DPP10: variants seen among roughly 807,000 people sequenced by gnomAD.
DPP10 encodes dipeptidyl peptidase like 10, also known as inactive dipeptidyl peptidase 10.
In DPP10, 33 loss-of-function variants were observed where a neutral mutation model predicts 120.9. That is an observed-to-expected ratio of 0.27 (90% CI 0.21 to 0.37). The LOEUF (loss-of-function observed/expected upper bound fraction) is 0.37, where lower values mean the gene tolerates loss of function less well. DPP10 is among the 10% of genes least tolerant of loss of function. DPP10 has a pLI of 1.00. For missense variants in DPP10, 816 were observed against 942.8 expected (o/e 0.87, Z 1.76); for synonymous variants, 337 against 326.1 (o/e 1.03, Z -0.36).
intron 3 of DPP10, among the ~76,000 whole-genome samples, chr2:115,433,056 G>A (rs1280340246): frequency 6.6e-6 from 1 of 152,050 alleles, no homozygotes; most frequent in Non-Finnish European, 1.5e-5. Flanking sequence ...CTGTCAGACA[G>A]TAAGGATTGG....
At chr2:114,744,592 A>G (rs1418179448) in intron 1 of DPP10, among the ~76,000 whole-genome samples, 4 of 152,216 alleles carry the variant, frequency 2.6e-5, no homozygotes, top group Non-Finnish European at 4.4e-5. Flanking sequence ...AAATAGAGGC[A>G]GTTATGCGGA....
intron 8 of DPP10, among the ~76,000 whole-genome samples, chr2:115,738,963 C>G (rs77178854): frequency 0.017 from 2,638 of 152,238 alleles, 32 homozygotes; most frequent in Non-Finnish European, 0.026. Context: ...GTAAACTAAG[C>G]TAGTAGCAGC....
intron 7 of DPP10, among the ~76,000 whole-genome samples, chr2:115,695,950 C>G (rs1430959140): frequency 6.6e-6 from 1 of 151,984 alleles, no homozygotes; most frequent in Non-Finnish European, 1.5e-5. Context: ...AGAGCAAAAG[C>G]TTACAGTAAC....
At chr2:114,728,381 C>A (rs1411230461) in intron 1 of DPP10, among the ~76,000 whole-genome samples, 2 of 152,138 alleles carry the variant, frequency 1.3e-5, no homozygotes, top group Admixed American at 1.3e-4. Context: ...CTACTATGCC[C>A]TTTTCTAGTT....
At chr2:115,488,709 A>T (rs546416540) in intron 3 of DPP10, among the ~76,000 whole-genome samples, 43 of 123,056 alleles carry the variant, frequency 3.5e-4, no homozygotes, top group Non-Finnish European at 5.9e-4. Flanking sequence ...GAAGGGGAAT[A>T]TCACACTCCT....
intron 1 of DPP10, among the ~76,000 whole-genome samples, chr2:114,806,863 AC>A (rs1456371779): frequency 6.6e-6 from 1 of 152,150 alleles, no homozygotes; most frequent in African/African-American, 2.4e-5. Context: ...GCCCTATCTA[AC>A]CCAACAGGAA....
intron 1 of DPP10, among the ~76,000 whole-genome samples, chr2:114,765,139 T>C (rs962336819): frequency 5.3e-5 from 8 of 152,200 alleles, no homozygotes; most frequent in African/African-American, 1.9e-4. Context: ...TTCTGATTCT[T>C]ATTCTTTCAG....
intron 1 of DPP10, among the ~76,000 whole-genome samples, chr2:115,045,847 T>C (rs1395038089): frequency 6.6e-6 from 1 of 152,196 alleles, no homozygotes; most frequent in African/African-American, 2.4e-5. Flanking sequence ...AGGGTTCTAT[T>C]TGGCCATGTT....
intron 1 of DPP10, among the ~76,000 whole-genome samples, chr2:114,630,103 C>G (rs535014041): frequency 6.6e-6 from 1 of 152,114 alleles, no homozygotes; most frequent in Non-Finnish European, 1.5e-5. Context: ...AACATATTAG[C>G]AATATGCTCC....
intron 1 of DPP10, among the ~76,000 whole-genome samples, chr2:114,693,648 T>C (rs1699900633): frequency 6.6e-6 from 1 of 152,022 alleles, no homozygotes; most frequent in Non-Finnish European, 1.5e-5. Flanking sequence ...TGGGAAGTTC[T>C]CCTGGATGAT....
At chr2:114,786,287 T>A (rs1374886785) in intron 1 of DPP10, among the ~76,000 whole-genome samples, 1 of 152,210 alleles carries the variant, frequency 6.6e-6, no homozygotes, top group Non-Finnish European at 1.5e-5. Context: ...CCTTAATGAT[T>A]TGTGTTTGGT....
chr2:115,664,103 A>G (rs2089247571), intron 5 of DPP10, among the ~76,000 whole-genome samples: 2 of 151,936 alleles, frequency 1.3e-5, no homozygotes, highest in African/African-American at 4.8e-5. Context: ...AAGTTTGGTA[A>G]GTCATTTCAT....
intron 1 of DPP10, among the ~76,000 whole-genome samples, chr2:114,616,897 G>C (rs1644949745): frequency 6.6e-6 from 1 of 152,100 alleles, no homozygotes; most frequent in South Asian, 2.1e-4. Flanking sequence ...TACAGCATAT[G>C]ATGACACATC....
chr2:114,544,021 G>T (rs1208725414), intron 1 of DPP10, among the ~76,000 whole-genome samples: 1 of 151,364 alleles, frequency 6.6e-6, no homozygotes, highest in Non-Finnish European at 1.5e-5. Flanking sequence ...ATATATCAGG[G>T]AATATAGCAG....
At chr2:115,436,621 C>T (rs1021564211) in intron 3 of DPP10, among the ~76,000 whole-genome samples, 1 of 151,516 alleles carries the variant, frequency 6.6e-6, no homozygotes, top group African/African-American at 2.4e-5. Flanking sequence ...TTATTGAGGC[C>T]CATTTAGAAT....
chr2:114,593,591 T>A lies in DPP10; in HGVS notation c.60+150753T>A, dbSNP rs76882408. 5.6e-3 allele frequency among the ~76,000 whole-genome samples: 856 copies of A among 152,324 alleles called. 9 individuals carry two copies. The highest frequency in any genetic ancestry group is 0.02 in the African/African-American group (824 of 41,578). On this transcript the variant is annotated intron_variant, in intron 1 of 25. Coordinates refer to ENST00000410059, the MANE Select transcript of DPP10 (RefSeq NM_020868.6). ...CAGTCGGTCTTTTAAAAATATTTTT[T>A]AAATTTTATTTTATTTTTAATTGAC...
intron 5 of DPP10, among the ~76,000 whole-genome samples, chr2:115,570,204 A>G (rs74717689): frequency 0.025 from 3,848 of 152,292 alleles, 174 homozygotes; most frequent in African/African-American, 0.086. Flanking sequence ...GACATTCATC[A>G]TGGCTTAGTT....
At chr2:115,422,564 G>T (rs1254613164) in intron 3 of DPP10, among the ~76,000 whole-genome samples, 5 of 152,130 alleles carry the variant, frequency 3.3e-5, no homozygotes, top group South Asian at 2.1e-4. Context: ...GTTTGCCCAT[G>T]ACTTTCATTC....
At chr2:115,786,581 C>T (rs1683371949) in intron 17 of DPP10, among the ~76,000 whole-genome samples, 2 of 151,996 alleles carry the variant, frequency 1.3e-5, no homozygotes, top group African/African-American at 4.8e-5. Flanking sequence ...TCAACAATAG[C>T]CAGCATGGGT....
Sources: gnomAD v4.1 joint callset for allele counts (sites outside exome capture counted in the v4.1 genomes callset) on GRCh38, gnomAD v4.1.1 for gene constraint, MANE v1.5 for transcripts, NCBI Gene and HGNC (gene_info 2026-07-23, HGNC 2026-07-21) for gene names.